Variants in UTP20 observed in about 807,000 individuals in gnomAD.
UTP20 encodes the protein small subunit processome component 20 homolog.
Under a neutral mutation model 329.5 loss-of-function variants are expected in UTP20, and 164 were observed. The observed-to-expected ratio is 0.50, with a 90% CI of 0.44 to 0.57. The LOEUF (loss-of-function observed/expected upper bound fraction) is 0.57, where lower values mean the gene tolerates loss of function less well. UTP20 is among the 20% of genes least tolerant of loss of function. The pLI is 0.00. For missense variants in UTP20, 3,055 were observed against 3,284.2 expected (o/e 0.93, Z 1.71); for synonymous variants, 1,151 against 1,159.3 (o/e 0.99, Z 0.14).
chr12:101,348,173 T>A (rs189869560), intron 38 of UTP20, among the ~76,000 whole-genome samples: 186 of 152,294 alleles, frequency 1.2e-3, no homozygotes, highest in Middle Eastern at 3.4e-3. Context: ...AATTATGACT[T>A]TACATTTAAG....
intron 39 of UTP20, 55 bp from the exon 40 acceptor site, chr12:101,352,992 A>G (rs1409571326): frequency 9.0e-7 from 1 of 1,109,318 alleles, no homozygotes; most frequent in African/African-American, 1.6e-5. Flanking sequence ...TCCTTTTATA[A>G]TCCAGTGATA....
chr12:101,372,690 A>G (rs2305857), intron 51 of UTP20, among the ~76,000 whole-genome samples, 194 bp from the exon 52 acceptor site: 15,790 of 152,238 alleles, frequency 0.1, 1,918 homozygotes, highest in East Asian at 0.47. Flanking sequence ...GACCAGATGA[A>G]TGGTGGGAGA....
chr12:101,373,428 C>G lies in UTP20; in HGVS notation c.6906C>G (p.Ser2302=). ...LNYEHETGRE[S]TLEMIAYLFD... is the part of the protein sequence containing the mutation. Reference sequence around the variant, plus strand: ...ACGAACATGAGACCGGGAGAGAGTCCACCTTGGAAATGATCGCCTATCTCT... The same window carrying G: ...ACGAACATGAGACCGGGAGAGAGTCGACCTTGGAAATGATCGCCTATCTCT... The change falls in exon 53 of 62, where the codon TCC becomes TCG. Residue 2302 remains serine (S), a synonymous_variant. Transcript: ENST00000261637. The G allele has an allele frequency of 1.9e-6, 3 of 1,614,046 alleles. No individual in the cohort carries two copies. The highest frequency in any genetic ancestry group is 1.7e-6 in the Non-Finnish European group (2 of 1,180,010).
chr12:101,313,643 GAT>G, intron 21 of UTP20, among the ~76,000 whole-genome samples: 1 of 152,040 alleles, frequency 6.6e-6, no homozygotes, highest in Middle Eastern at 3.4e-3. Flanking sequence ...AATTCGATAA[GAT>G]AACATTTATG....
chr12:101,354,827 CA>C lies in UTP20; in HGVS notation c.5108-4del. Reference sequence around the variant, plus strand: ...AAGGTGACTTTTGTTGTTTATTAAACATAGACGCAATTGAAGCAATTGAGTT... The same window carrying C: ...AAGGTGACTTTTGTTGTTTATTAAACTAGACGCAATTGAAGCAATTGAGTT... On this transcript the variant is annotated splice_region_variant and splice_polypyrimidine_tract_variant and intron_variant, in intron 40 of 61. Transcript: ENST00000261637. 6.2e-7 allele frequency: 1 copy of C among 1,611,066 alleles called. No homozygotes were observed. The highest frequency in any genetic ancestry group is 8.5e-7 in the Non-Finnish European group (1 of 1,178,526).
In UTP20 at chr12:101,295,711, G is replaced by A. The variant is rs2137238671; in HGVS notation, c.1430+53G>A. The A allele has an allele frequency of 2.0e-6, 3 of 1,494,500 alleles. No individual in the cohort carries two copies. The South Asian group carries it at 3.7e-5, about 19-fold the overall frequency. 92.6% of individuals were successfully genotyped at this position (1,494,500 alleles called of 1,614,324 possible). A position where few individuals can be genotyped will look rare whatever the true frequency, so the allele number is the denominator to read the frequency against. On this transcript the variant is annotated intron_variant, in intron 12 of 61. Coordinates refer to ENST00000261637, the MANE Select transcript of UTP20 (RefSeq NM_014503.3). ...TGATGATAAGTTTACCCATTTAAAT[G>A]TAATGTATCAAGAATACTGTAAAAA...
rs773800381 is a variant in UTP20, at chr12:101,286,458, T to G, written c.464T>G (p.Leu155Arg). 6.2e-7 allele frequency: 1 copy of G among 1,614,018 alleles called. No homozygotes were observed. The highest frequency in any genetic ancestry group is 8.5e-7 in the Non-Finnish European group (1 of 1,179,950). ...TGGGCTTTCACCTCGTTATCATATCTTTATAAGTACCTGTGGAGACTGATG... is the reference window on the plus strand; with the variant it reads ...TGGGCTTTCACCTCGTTATCATATCGTTATAAGTACCTGTGGAGACTGATG... The part of the protein sequence containing the change: ...LEWAFTSLSY[L>R]YKYLWRLMVK... The change falls in exon 5 of 62, where the codon CTT becomes CGT. Residue 155 changes from leucine to arginine, a missense_variant. By Grantham distance (102) the Leu-to-Arg change is moderately radical. Transcript: ENST00000261637.
chr12:101,366,804 C>T, intron 47 of UTP20, 105 bp downstream of exon 47: 1 of 1,394,102 alleles, frequency 7.2e-7, no homozygotes, highest in Non-Finnish European at 9.6e-7. Flanking sequence ...AAATGCCTTA[C>T]TGTAAATACA....
chr12:101,326,811 A>G (rs1452081781), intron 25 of UTP20: 2 of 223,604 alleles, frequency 8.9e-6, no homozygotes, highest in African/African-American at 4.6e-5. Context: ...CTGGCTTTAA[A>G]CTCCTGAGCT....
intron 34 of UTP20, 27 bp from the exon 35 acceptor site, chr12:101,342,914 A>G (rs780411825): frequency 1.9e-6 from 3 of 1,609,544 alleles, no homozygotes; most frequent in African/African-American, 1.3e-5. Context: ...GCCTTCTTTT[A>G]TATAACTTCA....
At chr12:101,300,817 A>T (rs910615473) in intron 14 of UTP20, among the ~76,000 whole-genome samples, 1 of 152,220 alleles carries the variant, frequency 6.6e-6, no homozygotes, top group African/African-American at 2.4e-5. Context: ...GACTCGCCGC[A>T]TGTCAAGTGC....
rs538243674 is a variant in UTP20 at position 101,291,718 on chromosome 12, C to T, written c.892-24C>T. On this transcript the variant is annotated intron_variant, in intron 8 of 61. Coordinates refer to ENST00000261637, the MANE Select transcript of UTP20 (RefSeq NM_014503.3). Reference sequence around the variant, plus strand: ...AGTTGAGTTTGATACTTTATATTCTCTCTGTTAAATTCTTTGTTTGCAGGA... The same window carrying T: ...AGTTGAGTTTGATACTTTATATTCTTTCTGTTAAATTCTTTGTTTGCAGGA... 5 of 1,537,130 alleles carry T rather than the reference C, an allele frequency of 3.3e-6. No individual in the cohort carries two copies. The African/African-American group carries it at 6.9e-5, about 21-fold the overall frequency.
intron 12 of UTP20, among the ~76,000 whole-genome samples, chr12:101,295,859 A>T (rs1344558528): frequency 1.3e-5 from 2 of 149,666 alleles, no homozygotes; most frequent in African/African-American, 4.9e-5. Context: ...AAAAGTGTGT[A>T]TGAACATAGA....
chr12:101,357,169 C>T, intron 43 of UTP20, 87 bp downstream of exon 43: 1 of 1,312,664 alleles, frequency 7.6e-7, no homozygotes, highest in Non-Finnish European at 1.0e-6. Flanking sequence ...GAACTTTGGG[C>T]CTGTCTTTAA....
Position 101,308,343 on chromosome 12 carries a change from G to A in UTP20, c.2154G>A (p.Glu718=). The A allele has an allele frequency of 4.1e-6, 6 of 1,470,212 alleles. No homozygotes were observed. Among genetic ancestry groups the A allele is most frequent in the South Asian group, 1.6e-5 (1 of 63,320 alleles). 91.1% of individuals were successfully genotyped at this position (1,470,212 alleles called of 1,614,324 possible). A position where few individuals can be genotyped will look rare whatever the true frequency, so the allele number is the denominator to read the frequency against. ...QTAVPDGPLQ[E]VPLRYLLGML... ...CTGTCCCTGATGGGCCGTTACAGGA[G>A]GTAAAAATAGTGTTCTTTTATTTTT... The change falls in exon 18 of 62, where the codon GAG becomes GAA. Residue 718 remains glutamate, a splice_region_variant and synonymous_variant. Coordinates refer to ENST00000261637, the MANE Select transcript of UTP20 (RefSeq NM_014503.3).
intron 27 of UTP20, among the ~76,000 whole-genome samples, chr12:101,330,335 G>A (rs887751593): frequency 9.9e-5 from 15 of 152,162 alleles, no homozygotes; most frequent in Non-Finnish European, 2.1e-4. Context: ...AGGCTGTGGT[G>A]GCTAGAGCAC....
In UTP20 at chr12:101,290,124, C is replaced by T. The variant is rs765555368; in HGVS notation, c.598-13C>T. The stretch of plus-strand genomic sequence containing the variant: ...TTGTGAATATAATTTTCCATTTCTA[C>T]TTTATATTTTAGGTCTCTGATAAAA... On this transcript the variant is annotated splice_polypyrimidine_tract_variant and intron_variant, in intron 6 of 61. Coordinates refer to ENST00000261637, the MANE Select transcript of UTP20 (RefSeq NM_014503.3). 5 of 1,522,850 alleles carry T rather than the reference C, an allele frequency of 3.3e-6. No homozygotes were observed. In the East Asian group the frequency reaches 9.1e-5, roughly 28 times the overall value. The allele number at this position is 1,522,850 out of a possible 1,614,324, so 94.3% of individuals were successfully genotyped here.
intron 35 of UTP20, 45 bp from the exon 36 acceptor site, chr12:101,344,550 A>G (rs894995392): frequency 1.4e-5 from 12 of 851,788 alleles, no homozygotes; most frequent in Non-Finnish European, 2.4e-5. Flanking sequence ...TCCATATTGT[A>G]GTTATTACAG....
At position 101,299,743 on chromosome 12, in the gene UTP20, G is replaced by A; in HGVS notation, c.1492G>A (p.Asp498Asn). ...AAGAAACGAACAGTTTCCAGTATTG[G>A]ACCATCTTTTATCTATAATTAAGTT... ...KGRNEQFPVL[D>N]HLLSIIKLPP... The change falls in exon 13 of 62, where the codon GAC becomes AAC. Residue 498 changes from aspartate (D) to asparagine (N), a missense_variant. Asp to Asn is a conservative substitution (Grantham distance 23). Transcript: ENST00000261637. 6.2e-7 allele frequency: 1 copy of A among 1,612,726 alleles called. No homozygotes were observed. Among genetic ancestry groups the A allele is most frequent in the Non-Finnish European group, 8.5e-7 (1 of 1,179,564 alleles).
Sources: allele counts gnomAD v4.1 joint callset (sites outside exome capture counted in the v4.1 genomes callset), GRCh38; gene constraint gnomAD v4.1.1; transcripts MANE v1.5; gene names NCBI Gene and HGNC (gene_info 2026-07-23, HGNC 2026-07-21).